FMN2: variants seen among roughly 807,000 people sequenced by gnomAD.
FMN2 encodes the protein formin 2, also known as formin-2.
A neutral mutation model predicts 142.3 loss-of-function variants in FMN2; 51 were observed. The observed-to-expected ratio is 0.36, with a 90% confidence interval of 0.29 to 0.45. FMN2 has a LOEUF of 0.45. Among genes scored for constraint, FMN2 ranks in the 20% least tolerant of loss-of-function variants. The pLI, the probability that FMN2 is intolerant of heterozygous loss-of-function variation, is 1.00. For missense variants in FMN2, 1,936 were observed against 2,122.8 expected, an observed-to-expected ratio of 0.91 and a Z score of 1.73; for synonymous variants, 882 against 869.8, an observed-to-expected ratio of 1.01 and a Z score of -0.25.
At chr1:240,226,040 C>T (rs996278745) in intron 6 of FMN2, among the ~76,000 whole-genome samples, 3 of 151,952 alleles carry the variant, frequency 2.0e-5, no homozygotes, top group African/African-American at 7.2e-5. Flanking sequence ...AAACTGACAG[C>T]CTCAGAAAAA....
chr1:240,286,008 C>T (rs1468001632), intron 7 of FMN2, among the ~76,000 whole-genome samples: 2 of 152,036 alleles, frequency 1.3e-5, no homozygotes, highest in Non-Finnish European at 2.9e-5. Flanking sequence ...GATGAGAAGC[C>T]CTGAGTCTTC....
chr1:240,437,193 G>A (rs896330084), intron 15 of FMN2, among the ~76,000 whole-genome samples: 1 of 151,854 alleles, frequency 6.6e-6, no homozygotes, highest in Admixed American at 6.6e-5. Flanking sequence ...CTGAAAACTG[G>A]CCCTGAGCAA....
At chr1:240,210,078 A>T (rs1666630059) in intron 5 of FMN2, among the ~76,000 whole-genome samples, 1 of 152,160 alleles carries the variant, frequency 6.6e-6, no homozygotes, top group African/African-American at 2.4e-5. Flanking sequence ...CTCATTGGCA[A>T]CACAGCACAA....
chr1:240,146,910 C>T (rs565818644), intron 2 of FMN2, among the ~76,000 whole-genome samples: 20 of 152,012 alleles, frequency 1.3e-4, no homozygotes, highest in African/African-American at 4.6e-4. Flanking sequence ...GAATTTCAGA[C>T]TCATTTTGGA....
intron 8 of FMN2, among the ~76,000 whole-genome samples, chr1:240,310,179 G>A (rs1183315000): frequency 6.6e-6 from 1 of 152,026 alleles, no homozygotes; most frequent in South Asian, 2.1e-4. Flanking sequence ...TTAAATATAT[G>A]GGTAATAATC....
chr1:240,213,456 T>C (rs1418281958), intron 6 of FMN2, among the ~76,000 whole-genome samples: 1 of 152,204 alleles, frequency 6.6e-6, no homozygotes, highest in Non-Finnish European at 1.5e-5. Flanking sequence ...AAGTGATGGA[T>C]TGCTGAAGAA....
intron 1 of FMN2, among the ~76,000 whole-genome samples, chr1:240,113,583 G>C (rs1226705581): frequency 3.0e-5 from 4 of 134,248 alleles, no homozygotes; most frequent in Admixed American, 7.6e-5. Context: ...AAAAAAATAA[G>C]GTTGTGTTTA....
At chr1:240,287,975 G>C (rs997763445) in intron 7 of FMN2, among the ~76,000 whole-genome samples, 1 of 152,118 alleles carries the variant, frequency 6.6e-6, no homozygotes, top group Non-Finnish European at 1.5e-5. Flanking sequence ...CTGTATTTTT[G>C]AGCTATGATG....
chr1:240,469,099 A>G (rs1333986047), intron 16 of FMN2, among the ~76,000 whole-genome samples: 1 of 152,092 alleles, frequency 6.6e-6, no homozygotes, highest in East Asian at 1.9e-4. Context: ...AAGAGTGGGA[A>G]CTGAGGAAGT....
intron 15 of FMN2, 87 bp from the exon 16 acceptor site, chr1:240,437,974 T>A (rs1675459650): frequency 4.7e-6 from 7 of 1,479,928 alleles, no homozygotes; most frequent in Non-Finnish European, 6.4e-6. Flanking sequence ...TGTGCATGAA[T>A]AAAATCAGCA....
At chr1:240,166,832 G>A (rs538160808) in intron 2 of FMN2, among the ~76,000 whole-genome samples, 2 of 152,256 alleles carry the variant, frequency 1.3e-5, no homozygotes, top group South Asian at 4.1e-4. Flanking sequence ...GTTCAAAACA[G>A]ATGGGTTGAC....
intron 6 of FMN2, among the ~76,000 whole-genome samples, chr1:240,234,868 T>C (rs1015046616): frequency 1.3e-5 from 2 of 152,338 alleles, no homozygotes; most frequent in South Asian, 2.1e-4. Flanking sequence ...CATATACTTA[T>C]AAACTTTTAA....
At position 240,445,611 on chromosome 1, in the gene FMN2, A is replaced by G. The variant is rs988474425; in HGVS notation, c.5060+7401A>G. Among the ~76,000 whole-genome samples, 13 of 152,240 alleles carry G rather than the reference A, an allele frequency of 8.5e-5. No individual in the cohort carries two copies. The South Asian group carries it at 2.3e-3, about 27-fold the overall frequency. On this transcript the variant is annotated intron_variant, in intron 16 of 17. Transcript: ENST00000319653. The stretch of plus-strand genomic sequence containing the variant: ...AGATGGGGGCCATGCAATGAATTTG[A>G]TAAAGCAAGCTGAGTCCTGAGCATT...
chr1:240,136,279 G>A (rs763924345), intron 2 of FMN2, among the ~76,000 whole-genome samples: 38 of 152,074 alleles, frequency 2.5e-4, no homozygotes, highest in South Asian at 4.1e-4. Flanking sequence ...CAAGTGCATC[G>A]TTGCAAAAGT....
intron 7 of FMN2, among the ~76,000 whole-genome samples, chr1:240,267,488 G>C (rs1405753151): frequency 6.6e-6 from 1 of 151,968 alleles, no homozygotes; most frequent in Non-Finnish European, 1.5e-5. Flanking sequence ...CTTTCAGAGA[G>C]TGGAGGGTGA....
chr1:240,370,038 C>T (rs979604211), intron 14 of FMN2, among the ~76,000 whole-genome samples: 9 of 152,036 alleles, frequency 5.9e-5, no homozygotes, highest in Non-Finnish European at 1.2e-4. Flanking sequence ...TTTAAGATGT[C>T]TCTGTGGTTA....
At chr1:240,460,288 CT>C (rs1343190720) in intron 16 of FMN2, among the ~76,000 whole-genome samples, 2 of 152,214 alleles carry the variant, frequency 1.3e-5, no homozygotes, top group African/African-American at 4.8e-5. Flanking sequence ...AAGATTCAGT[CT>C]TTCAGAATCA....
intron 7 of FMN2, among the ~76,000 whole-genome samples, chr1:240,285,637 A>G (rs1572154493): frequency 6.6e-6 from 1 of 152,076 alleles, no homozygotes; most frequent in Non-Finnish European, 1.5e-5. Flanking sequence ...TAGGAGGAAG[A>G]GGAAGAGAGA....
chr1:240,232,057 A>G (rs1667542136), intron 6 of FMN2, among the ~76,000 whole-genome samples: 2 of 151,910 alleles, frequency 1.3e-5, no homozygotes, highest in South Asian at 4.1e-4. Flanking sequence ...CCATTTGCTC[A>G]TTCTTTTTCT....
Sources: allele counts gnomAD v4.1 joint callset (sites outside exome capture counted in the v4.1 genomes callset), GRCh38; gene constraint gnomAD v4.1.1; transcripts MANE v1.5; gene names NCBI Gene and HGNC (gene_info 2026-07-23, HGNC 2026-07-21).